EPN2: variants seen among roughly 807,000 people sequenced by gnomAD.
The protein encoded by EPN2 is epsin 2.
EPN2 carries 34 observed loss-of-function variants against 61.7 expected under a neutral mutation model. The observed-to-expected ratio is 0.55, with a 90% CI of 0.42 to 0.73. The LOEUF is 0.73. Among genes scored for constraint, EPN2 ranks in the 30% least tolerant of loss-of-function variants. The probability of loss-of-function intolerance (pLI) is 0.00; values close to 1 mark genes in which losing one functional copy is unlikely to be tolerated. For missense variants in EPN2, 714 were observed against 839.2 expected, an observed-to-expected ratio of 0.85 and a Z score of 1.84; for synonymous variants, 349 against 353.6, an observed-to-expected ratio of 0.99 and a Z score of 0.15.
intron 1 of EPN2, among the ~76,000 whole-genome samples, chr17:19,239,683 T>TACCAA (rs2044862176): frequency 6.6e-6 from 1 of 152,228 alleles, no homozygotes; most frequent in Admixed American, 6.5e-5. Context: ...GATTGTCTTG[T>TACCAA]GGGATGTACC....
Position 19,312,152 on chromosome 17 carries a change from C to T in EPN2, c.972+8C>T, listed in dbSNP as rs1302826511. On this transcript the variant is annotated splice_region_variant and intron_variant, in intron 6 of 10. Transcript: ENST00000314728. Reference sequence around the variant, plus strand: ...ATTCCAAAAAAGAAAGAGGTAAGAGCTTGCTGGGAGGGTAGATGTTTCACC... The same window carrying T: ...ATTCCAAAAAAGAAAGAGGTAAGAGTTTGCTGGGAGGGTAGATGTTTCACC... 12 of 1,602,862 alleles carry T rather than the reference C, an allele frequency of 7.5e-6. No homozygotes were observed. Among genetic ancestry groups the T allele is most frequent in the Non-Finnish European group, 1.0e-5 (12 of 1,169,920 alleles).
At chr17:19,300,025 G>A (rs763381356) in intron 4 of EPN2, among the ~76,000 whole-genome samples, 1 of 152,240 alleles carries the variant, frequency 6.6e-6, no homozygotes, top group Non-Finnish European at 1.5e-5. Flanking sequence ...ATGGCCGGCT[G>A]GAAGCAGTTG....
chr17:19,317,515 C>A (rs759732591), intron 7 of EPN2, among the ~76,000 whole-genome samples: 1 of 152,164 alleles, frequency 6.6e-6, no homozygotes, highest in Non-Finnish European at 1.5e-5. Flanking sequence ...CACCCCCCCG[C>A]GTTGTGACTG....
chr17:19,312,951 G>A (rs540406448), intron 6 of EPN2, 154 bp from the exon 7 acceptor site: 1 of 715,434 alleles, frequency 1.4e-6, no homozygotes, highest in African/African-American at 1.8e-5. Flanking sequence ...CGGGGAGGGA[G>A]ATGGGACGGC....
intron 4 of EPN2, among the ~76,000 whole-genome samples, chr17:19,309,105 G>A (rs908363474): frequency 2.7e-5 from 4 of 150,188 alleles, no homozygotes; most frequent in African/African-American, 9.8e-5. Context: ...CATTTTCCAT[G>A]ATCTCGTAGT....
At chr17:19,316,024 C>T (rs1906368917) in intron 7 of EPN2, among the ~76,000 whole-genome samples, 1 of 152,180 alleles carries the variant, frequency 6.6e-6, no homozygotes, top group Non-Finnish European at 1.5e-5. Context: ...TGTTTAGCAT[C>T]ATGTTTTCAA....
At chr17:19,276,630 A>G (rs985473217) in intron 1 of EPN2, 3 of 152,170 alleles carry the variant, frequency 2.0e-5, no homozygotes, top group Non-Finnish European at 4.4e-5. Context: ...ACAGAATTGT[A>G]CAAGTTCATG....
At chr17:19,292,480 C>G (rs928881353) in intron 4 of EPN2, among the ~76,000 whole-genome samples, 4 of 152,206 alleles carry the variant, frequency 2.6e-5, no homozygotes, top group Admixed American at 6.5e-5. Flanking sequence ...GGCAGTCAGT[C>G]CCAGGGGCAG....
rs1043809 is a variant in EPN2 at position 19,336,119 on chromosome 17, C to T, written c.*1865C>T. 0.56 allele frequency: 84,615 copies of T among 152,198 alleles called. 30,697 individuals are homozygous for T. Among genetic ancestry groups the T allele is most frequent in the Non-Finnish European group, 0.81 (55,003 of 68,040 alleles). 9.4% of individuals were successfully genotyped at this position (152,198 alleles called of 1,614,324 possible). On this transcript the variant is annotated 3_prime_UTR_variant, in exon 11 of 11. Coordinates refer to ENST00000314728, the MANE Select transcript of EPN2 (RefSeq NM_014964.5). ...CACCCACTCATGCTGTTCCTGAGGC[C>T]GCCCTCTCCAGTCCCAGGAGCCGTG...
chr17:19,301,853 T>C (rs1471641128), intron 4 of EPN2, among the ~76,000 whole-genome samples: 2 of 152,198 alleles, frequency 1.3e-5, no homozygotes, highest in Non-Finnish European at 2.9e-5. Flanking sequence ...CACAAGCTCA[T>C]GGGAACAGGG....
chr17:19,275,713 A>C (rs1597987670), intron 1 of EPN2, among the ~76,000 whole-genome samples: 1 of 152,232 alleles, frequency 6.6e-6, no homozygotes, highest in South Asian at 2.1e-4. Context: ...CTTTCCAAGA[A>C]GAGGGGGATT....
intron 8 of EPN2, 55 bp from the exon 9 acceptor site, chr17:19,329,506 G>A: frequency 1.8e-6 from 2 of 1,116,196 alleles, no homozygotes; most frequent in Non-Finnish European, 2.7e-6. Context: ...GGGCAGTGGA[G>A]TTGCCATGAA....
chr17:19,318,628 CAG>C (rs1740343454), intron 7 of EPN2, among the ~76,000 whole-genome samples: 1 of 148,764 alleles, frequency 6.7e-6, no homozygotes, highest in Non-Finnish European at 1.5e-5. Flanking sequence ...GATACAGTTG[CAG>C]AGTTTTAAAA....
intron 1 of EPN2, among the ~76,000 whole-genome samples, chr17:19,264,505 C>G (rs1362783298): frequency 2.0e-5 from 3 of 152,202 alleles, no homozygotes; most frequent in Admixed American, 6.5e-5. Flanking sequence ...CTTGCTGATT[C>G]TCGCTGGCTG....
intron 7 of EPN2, among the ~76,000 whole-genome samples, chr17:19,324,184 A>G (rs1258804413): frequency 1.3e-5 from 2 of 152,266 alleles, no homozygotes; most frequent in Non-Finnish European, 2.9e-5. Flanking sequence ...TTGGTATCAC[A>G]TATAACACAA....
Position 19,314,361 on chromosome 17 carries a change from G to T in EPN2, c.1147+1082G>T, listed in dbSNP as rs984912022. Among the ~76,000 whole-genome samples, 23 of 90,992 alleles carry T rather than the reference G, an allele frequency of 2.5e-4. 1 individual carries two copies. Among genetic ancestry groups the T allele is most frequent in the Admixed American group, 1.8e-3 (19 of 10,636 alleles). 59.7% of individuals were successfully genotyped at this position (90,992 alleles called of 152,430 possible). A position where few individuals can be genotyped will look rare whatever the true frequency, so the allele number is the denominator to read the frequency against. On this transcript the variant is annotated intron_variant, in intron 7 of 10. Coordinates refer to ENST00000314728, the MANE Select transcript of EPN2 (RefSeq NM_014964.5). ...TTTGGAGGAAGGCCACTTCCGTTGA[G>T]TCCCCAGGGAAAAGAAGGTGTCCAG...
chr17:19,268,393 TG>T (rs2045221407), intron 1 of EPN2, among the ~76,000 whole-genome samples: 1 of 152,148 alleles, frequency 6.6e-6, no homozygotes, highest in African/African-American at 2.4e-5. Flanking sequence ...GGTCTTGCTC[TG>T]TCGTCCAGGC....
chr17:19,318,995 G>A (rs140129547), intron 7 of EPN2, among the ~76,000 whole-genome samples: 1,690 of 152,126 alleles, frequency 0.011, 27 homozygotes, highest in African/African-American at 0.039. Flanking sequence ...CCAAGAGTTC[G>A]AGACCAGCCT....
At chr17:19,251,663 A>T (rs2045017053) in intron 1 of EPN2, among the ~76,000 whole-genome samples, 1 of 152,006 alleles carries the variant, frequency 6.6e-6, no homozygotes, top group African/African-American at 2.4e-5. Context: ...TGAACTGCTG[A>T]CCTCAGGTGA....
Sources: gnomAD v4.1 joint callset for allele counts (sites outside exome capture counted in the v4.1 genomes callset) on GRCh38, gnomAD v4.1.1 for gene constraint, MANE v1.5 for transcripts, NCBI Gene and HGNC (gene_info 2026-07-23, HGNC 2026-07-21) for gene names.